Variants in CLIP2 observed in about 807,000 individuals in gnomAD.
CLIP2 encodes the protein CAP-Gly domain containing linker protein 2, also known as CAP-Gly domain-containing linker protein 2.
CLIP2 carries 41 observed loss-of-function variants against 111.7 expected under a neutral mutation model. The observed-to-expected ratio is 0.37, with a 90% CI of 0.29 to 0.48. The LOEUF is 0.48. CLIP2 is among the 20% of genes least tolerant of loss of function. The pLI is 0.99. For synonymous variants in CLIP2, 660 were observed against 644.2 expected (o/e 1.02, Z -0.37); for missense variants, 1,160 against 1,422.1 (o/e 0.82, Z 2.96).
chr7:74,320,942 G>A (rs1178269677), intron 2 of CLIP2, among the ~76,000 whole-genome samples: 2 of 107,796 alleles, frequency 1.9e-5, no homozygotes, highest in African/African-American at 2.7e-5. Flanking sequence ...TGGGGCTGGG[G>A]CATGGCGTGC....
chr7:74,375,679 A>C (rs1362127586), intron 9 of CLIP2, among the ~76,000 whole-genome samples: 3 of 151,100 alleles, frequency 2.0e-5, no homozygotes, highest in African/African-American at 7.3e-5. Flanking sequence ...ACAGCCAGGG[A>C]AGTCTTTCTG....
chr7:74,364,207 GT>G (rs782330745), intron 7 of CLIP2, 47 bp from the exon 8 acceptor site: 5 of 1,567,992 alleles, frequency 3.2e-6, no homozygotes, highest in African/African-American at 1.4e-5. Flanking sequence ...GGTGAATCCC[GT>G]TGCTCTGGGC....
At chr7:74,381,837 A>G (rs1159357478) in intron 11 of CLIP2, among the ~76,000 whole-genome samples, 1 of 152,182 alleles carries the variant, frequency 6.6e-6, no homozygotes, top group Non-Finnish European at 1.5e-5. Context: ...AGTCTTGGTC[A>G]GTTACAAAGA....
At chr7:74,336,844 GTTGTTTGTTTTTT>G (rs1325538414) in intron 2 of CLIP2, among the ~76,000 whole-genome samples, 1 of 147,650 alleles carries the variant, frequency 6.8e-6, no homozygotes, top group African/African-American at 2.5e-5. Context: ...GATTACTATG[GTTGTTTGTTTTTT>G]TTGTTTTTTT....
chr7:74,354,522 C>A (rs1790095914), intron 4 of CLIP2, among the ~76,000 whole-genome samples: 2 of 152,036 alleles, frequency 1.3e-5, no homozygotes, highest in Non-Finnish European at 2.9e-5. Flanking sequence ...AGCTGAGGCA[C>A]GAGAATCACT....
intron 3 of CLIP2, among the ~76,000 whole-genome samples, chr7:74,342,471 G>A (rs1269554590): frequency 6.6e-6 from 1 of 152,180 alleles, no homozygotes; most frequent in African/African-American, 2.4e-5. Context: ...AGGCTGACCT[G>A]GGTGACCCCA....
intron 2 of CLIP2, 115 bp downstream of exon 2, chr7:74,317,782 G>C: frequency 8.1e-7 from 1 of 1,234,672 alleles, no homozygotes; most frequent in Non-Finnish European, 1.0e-6. Flanking sequence ...GGGGGACGCT[G>C]AGTGTCATGA....
intron 1 of CLIP2, among the ~76,000 whole-genome samples, chr7:74,295,989 CAAAAAAA>C (rs368834820): frequency 2.5e-4 from 18 of 70,984 alleles, no homozygotes; most frequent in East Asian, 1.3e-3. Context: ...ACCCTGTCTC[CAAAAAAA>C]AAAAAAAAAA....
rs1484017814 is a variant in CLIP2, at chr7:74,338,993, G to T, written c.667G>T (p.Asp223Tyr). Residue 223 changes from aspartate to tyrosine, a missense_variant, in exon 3 of 17, where the codon GAC becomes TAC. Transcript: ENST00000223398. This position sits in a 1 kb window ranked among gnomAD's most constrained non-coding sequence, Gnocchi z 4.3. ...GGGCGAAAAGGACCTGCGCCTGGGG[G>T]ACCGCGTGCTGGTGAGTGCGGGCAG... ...KRGEKDLRLG[D>Y]RVLVGGTKTG... is the part of the protein sequence containing the mutation. The T allele has an allele frequency of 6.3e-7, 1 of 1,597,422 alleles. No individual in the cohort carries two copies. Among genetic ancestry groups the T allele is most frequent in the Non-Finnish European group, 8.5e-7 (1 of 1,179,052 alleles).
At chr7:74,372,644 C>T (rs6975173) in intron 8 of CLIP2, among the ~76,000 whole-genome samples, 11,914 of 151,244 alleles carry the variant, frequency 0.079, 1,041 homozygotes, top group East Asian at 0.34. Context: ...CAGGGGCCAG[C>T]GAGGGAGGAT....
chr7:74,379,708 G>A (rs1790887979), intron 10 of CLIP2, among the ~76,000 whole-genome samples: 1 of 152,088 alleles, frequency 6.6e-6, no homozygotes, highest in Non-Finnish European at 1.5e-5. Flanking sequence ...AGAGGTTGCA[G>A]TGAGCCGAGA....
intron 2 of CLIP2, among the ~76,000 whole-genome samples, chr7:74,332,461 T>TC (rs1564045041): frequency 4.7e-5 from 1 of 21,152 alleles, no homozygotes; most frequent in East Asian, 3.8e-3. Context: ...TAGAATTCTC[T>TC]TTTTTTTTTT....
intron 3 of CLIP2, among the ~76,000 whole-genome samples, chr7:74,348,455 G>A (rs1789865774): frequency 6.6e-6 from 1 of 151,722 alleles, no homozygotes; most frequent in East Asian, 1.9e-4. Flanking sequence ...TAGGAATTTG[G>A]GATCAGCCTG....
In CLIP2 at chr7:74,354,125, G is replaced by A. The variant is rs1377934409; in HGVS notation, c.803+121G>A. 8.0e-6 allele frequency: 10 copies of A among 1,248,132 alleles called. 1 individual carries two copies. In the South Asian group the frequency reaches 1.0e-4, roughly 13 times the overall value. 77.3% of individuals were successfully genotyped at this position (1,248,132 alleles called of 1,614,324 possible). A position where few individuals can be genotyped will look rare whatever the true frequency, so the allele number is the denominator to read the frequency against. ...CAGCATGTAGTGTCAGACACCATAA[G>A]TCCTTTCCCATTCCCTCCTTCCCAA... is the stretch of plus-strand genomic sequence containing the variant. On this transcript the variant is annotated intron_variant, in intron 4 of 16. Coordinates refer to ENST00000223398, the MANE Select transcript of CLIP2 (RefSeq NM_003388.5).
rs1313541404 is a variant in CLIP2 at position 74,398,737 on chromosome 7, C to T, written c.2880+1504C>T. Among the ~76,000 whole-genome samples, 8 of 150,692 alleles carry T rather than the reference C, an allele frequency of 5.3e-5. No individual in the cohort carries two copies. The East Asian group carries it at 9.9e-4, about 19-fold the overall frequency. On this transcript the variant is annotated intron_variant, in intron 14 of 16. Coordinates refer to ENST00000223398, the MANE Select transcript of CLIP2 (RefSeq NM_003388.5). ...GGCTGTGGGGGTCACTGAGTCCTGC[C>T]GGCCTTCAAGTCCTGGCCTATCTGG...
intron 3 of CLIP2, among the ~76,000 whole-genome samples, chr7:74,342,185 C>T (rs1789673754): frequency 6.6e-6 from 1 of 151,208 alleles, no homozygotes; most frequent in Non-Finnish European, 1.5e-5. Flanking sequence ...AGACCAGCCT[C>T]ACCAATATGT....
chr7:74,322,136 C>T (rs1788975136), intron 2 of CLIP2, among the ~76,000 whole-genome samples: 1 of 151,412 alleles, frequency 6.6e-6, no homozygotes, highest in South Asian at 2.1e-4. Context: ...GGACTACAGG[C>T]ATGTGCAACA....
At chr7:74,399,931 G>A (rs1442124343) in intron 14 of CLIP2, among the ~76,000 whole-genome samples, 3 of 151,496 alleles carry the variant, frequency 2.0e-5, no homozygotes, top group Admixed American at 2.0e-4. Flanking sequence ...GAGGCGGGTG[G>A]ATCACGAGGT....
chr7:74,397,918 C>T (rs956914342), intron 14 of CLIP2, among the ~76,000 whole-genome samples: 16 of 151,624 alleles, frequency 1.1e-4, no homozygotes, highest in Admixed American at 8.5e-4. Flanking sequence ...CCTCCTGCCT[C>T]GGCCTCCCAA....
Sources: allele counts gnomAD v4.1 joint callset (sites outside exome capture counted in the v4.1 genomes callset), GRCh38; gene constraint gnomAD v4.1.1; non-coding constraint Gnocchi (gnomAD v3.1); transcripts MANE v1.5; gene names NCBI Gene and HGNC (gene_info 2026-07-23, HGNC 2026-07-21).